Variants in WFDC3 observed in about 807,000 individuals in gnomAD.
WFDC3 encodes WAP four-disulfide core domain protein 3.
A neutral mutation model predicts 25.8 loss-of-function variants in WFDC3; 15 were observed. That is an observed-to-expected ratio of 0.58 (90% CI 0.39 to 0.89). WFDC3 has a LOEUF of 0.89. WFDC3 is among the 40% of genes least tolerant of loss of function. The probability of loss-of-function intolerance (pLI) is 0.00; values close to 1 mark genes in which losing one functional copy is unlikely to be tolerated. For synonymous variants in WFDC3, 103 were observed against 107.1 expected (o/e 0.96, Z 0.24); for missense variants, 264 against 289.8 (o/e 0.91, Z 0.65).
intron 2 of WFDC3, among the ~76,000 whole-genome samples, chr20:45,789,372 G>A (rs36051332): frequency 0.46 from 69,612 of 151,206 alleles, 18,516 homozygotes; most frequent in Non-Finnish European, 0.6. Context: ...TGGGCGTGGC[G>A]GCGGGCACCT....
intron 3 of WFDC3, chr20:45,788,645 T>C (rs1980796716): frequency 6.7e-6 from 2 of 296,438 alleles, no homozygotes; most frequent in Non-Finnish European, 1.2e-5. Flanking sequence ...AATCATTATC[T>C]TACACAGCCT....
In WFDC3 at chr20:45,774,324, A is replaced by C; in HGVS notation, c.*104T>G. ...GAGGAGAAGCAGAGCAGAGAGGGCCATGAGTGCCCCTGGAAATGTCACAAG... is the reference window on the plus strand; with the variant it reads ...GAGGAGAAGCAGAGCAGAGAGGGCCCTGAGTGCCCCTGGAAATGTCACAAG... On this transcript the variant is annotated 3_prime_UTR_variant, in exon 7 of 7. Transcript: ENST00000243938. The C allele has an allele frequency of 6.6e-7, 1 of 1,509,526 alleles. No homozygotes were observed. Among genetic ancestry groups the C allele is most frequent in the South Asian group, 1.1e-5 (1 of 88,782 alleles). The allele number at this position is 1,509,526 out of a possible 1,614,324, so 93.5% of individuals were successfully genotyped here.
intron 5 of WFDC3, 40 bp downstream of exon 5, chr20:45,777,035 G>A: frequency 6.2e-7 from 1 of 1,610,946 alleles, no homozygotes; most frequent in Non-Finnish European, 8.5e-7. Flanking sequence ...ACTCTTCTCA[G>A]GAAACACTCA....
At chr20:45,781,830 G>A (rs1171146172) in intron 4 of WFDC3, among the ~76,000 whole-genome samples, 1 of 152,192 alleles carries the variant, frequency 6.6e-6, no homozygotes, top group Non-Finnish European at 1.5e-5. Context: ...ATCAGTTAGA[G>A]TAGTACAAAT....
intron 4 of WFDC3, among the ~76,000 whole-genome samples, chr20:45,782,534 T>C (rs1002646859): frequency 6.6e-6 from 1 of 152,064 alleles, no homozygotes; most frequent in African/African-American, 2.4e-5. Flanking sequence ...CCCACCATCA[T>C]GCCCGGCTAA....
At chr20:45,783,858 G>C (rs1389129934) in intron 4 of WFDC3, among the ~76,000 whole-genome samples, 1 of 152,178 alleles carries the variant, frequency 6.6e-6, no homozygotes, top group Non-Finnish European at 1.5e-5. Flanking sequence ...TGGGTGAGTA[G>C]CCTAGCCCTC....
chr20:45,787,870 CTTG>C lies in WFDC3; in HGVS notation c.321_323del (p.Asn107del), dbSNP rs750138737. 5.0e-6 allele frequency: 8 copies of C among 1,613,934 alleles called. No homozygotes were observed. In the African/African-American group the frequency reaches 9.3e-5, roughly 19 times the overall value. On this transcript the variant is annotated inframe_deletion, in exon 4 of 7. Coordinates refer to ENST00000243938, the MANE Select transcript of WFDC3 (RefSeq NM_080614.2). The stretch of plus-strand genomic sequence containing the variant: ...GTTTAGAGATTGGGACTACACAGCT[CTTG>C]TTGCAGCCAAGCGTGCAGCATTTCT...
At position 45,789,981 on chromosome 20, in the gene WFDC3, T is replaced by C. The variant is rs1399300719; in HGVS notation, c.-6A>G. ...AAGAGGCAGCTTAACATCATGATGA[T>C]GCTGAGAGTTGGGACAAGAGCTCAG... On this transcript the variant is annotated splice_region_variant and 5_prime_UTR_variant, in exon 2 of 7. Coordinates refer to ENST00000243938, the MANE Select transcript of WFDC3 (RefSeq NM_080614.2). The C allele has an allele frequency of 3.7e-6, 6 of 1,613,906 alleles. No individual in the cohort carries two copies. The highest frequency in any genetic ancestry group is 1.7e-4 in the Middle Eastern group (1 of 6,058).
chr20:45,790,237 C>T (rs1980892833), intron 1 of WFDC3, among the ~76,000 whole-genome samples: 1 of 152,126 alleles, frequency 6.6e-6, no homozygotes, highest in Non-Finnish European at 1.5e-5. Flanking sequence ...ACACAATATT[C>T]CTGGATGATG....
chr20:45,788,074 C>A (rs983206507), intron 3 of WFDC3, 92 bp from the exon 4 acceptor site: 50 of 1,397,936 alleles, frequency 3.6e-5, no homozygotes, highest in Non-Finnish European at 4.7e-5. Context: ...GAGGCCAAGG[C>A]GGGTGGATCA....
At chr20:45,788,109 G>C (rs777412885) in intron 3 of WFDC3, 127 bp from the exon 4 acceptor site, 26 of 972,454 alleles carry the variant, frequency 2.7e-5, no homozygotes, top group African/African-American at 3.4e-5. Context: ...TTCGAGAACA[G>C]CCTGGCCAAC....
intron 2 of WFDC3, 70 bp from the exon 3 acceptor site, chr20:45,789,129 C>T: frequency 6.3e-7 from 1 of 1,584,862 alleles, no homozygotes; most frequent in Non-Finnish European, 8.6e-7. Context: ...ACCTTCAGCC[C>T]CTCCAGGCAT....
At chr20:45,785,156 T>C (rs1427577256) in intron 4 of WFDC3, among the ~76,000 whole-genome samples, 1 of 152,098 alleles carries the variant, frequency 6.6e-6, no homozygotes, top group Non-Finnish European at 1.5e-5. Flanking sequence ...CAAAATACAC[T>C]TGATCAACAG....
chr20:45,777,780 C>T (rs1568698006), intron 4 of WFDC3, among the ~76,000 whole-genome samples: 1 of 152,196 alleles, frequency 6.6e-6, no homozygotes, highest in African/African-American at 2.4e-5. Flanking sequence ...CTGAGCCTCC[C>T]AAAGTGCCAG....
intron 6 of WFDC3, 22 bp downstream of exon 6, chr20:45,775,395 G>A: frequency 6.2e-7 from 1 of 1,609,560 alleles, no homozygotes; most frequent in Admixed American, 1.7e-5. Context: ...TGTTATTGTT[G>A]ATGACAATGG....
chr20:45,779,849 A>C (rs375621386), intron 4 of WFDC3: 3 of 151,804 alleles, frequency 2.0e-5, no homozygotes, highest in African/African-American at 7.3e-5. Flanking sequence ...ACTTACCTCT[A>C]CCCTTTTCCA....
chr20:45,778,164 T>A (rs1489727666), intron 4 of WFDC3, among the ~76,000 whole-genome samples: 3 of 152,202 alleles, frequency 2.0e-5, no homozygotes, highest in East Asian at 3.8e-4. Flanking sequence ...GCCGCCATGC[T>A]ATAAAGCAGC....
At chr20:45,790,790 T>G in intron 1 of WFDC3, 1 of 392,390 alleles carries the variant, frequency 2.5e-6, no homozygotes, top group South Asian at 1.9e-5. Context: ...TTGAGTTTGT[T>G]AAGAACTAAT....
intron 5 of WFDC3, among the ~76,000 whole-genome samples, chr20:45,776,676 C>A (rs1980200834): frequency 1.6e-5 from 2 of 125,944 alleles, no homozygotes; most frequent in Admixed American, 8.6e-5. Context: ...GTGTGTGTTT[C>A]CAACTAAGAT....
Sources: allele counts gnomAD v4.1 joint callset (sites outside exome capture counted in the v4.1 genomes callset), GRCh38; gene constraint gnomAD v4.1.1; transcripts MANE v1.5; gene names NCBI Gene and HGNC (gene_info 2026-07-23, HGNC 2026-07-21).